The following PPM1A variants were observed in gnomAD, a reference collection of about 807,000 sequenced individuals.
PPM1A encodes the protein protein phosphatase 1A.
PPM1A carries 7 observed loss-of-function variants against 35.0 expected under a neutral mutation model. The ratio of observed to expected loss-of-function variants is 0.20; its 90% CI spans 0.11 to 0.38. PPM1A has a LOEUF of 0.38. Ranked by LOEUF, PPM1A falls within the 10% of genes least tolerant of loss-of-function variation. PPM1A has a pLI of 1.00. For missense variants in PPM1A, 239 were observed against 467.8 expected (o/e 0.51, Z 4.51); for synonymous variants, 153 against 167.3 (o/e 0.91, Z 0.66).
At chr14:60,266,406 GTCTTT>G (rs1444331772) in intron 1 of PPM1A, among the ~76,000 whole-genome samples, 2 of 152,062 alleles carry the variant, frequency 1.3e-5, no homozygotes, top group East Asian at 1.9e-4. Flanking sequence ...TTTGGAATCA[GTCTTT>G]TCTTGTCATC....
intron 1 of PPM1A, among the ~76,000 whole-genome samples, chr14:60,272,720 CAG>C (rs145248143): frequency 0.018 from 2,478 of 141,370 alleles, 89 homozygotes; most frequent in African/African-American, 0.062. Flanking sequence ...AAAAAAGACA[CAG>C]AAGACCCTAA....
At chr14:60,270,009 G>A (rs546871236) in intron 1 of PPM1A, among the ~76,000 whole-genome samples, 23 of 152,240 alleles carry the variant, frequency 1.5e-4, no homozygotes, top group Non-Finnish European at 2.5e-4. Flanking sequence ...TTCTGCCTTT[G>A]AAATTTAATT....
intron 3 of PPM1A, chr14:60,288,306 GA>G: frequency 1.0e-6 from 1 of 961,538 alleles, no homozygotes; most frequent in Non-Finnish European, 1.2e-6. Flanking sequence ...ATGTTTTTTA[GA>G]CCTGAAACTA....
chr14:60,290,771 T>A (rs2139590974), intron 4 of PPM1A, among the ~76,000 whole-genome samples: 1 of 152,138 alleles, frequency 6.6e-6, no homozygotes, highest in African/African-American at 2.4e-5. Flanking sequence ...AAGCTTTTAT[T>A]TTTTGGAAAC....
chr14:60,265,983 G>A (rs550254903), intron 1 of PPM1A, among the ~76,000 whole-genome samples: 1 of 152,268 alleles, frequency 6.6e-6, no homozygotes, highest in East Asian at 1.9e-4. Context: ...TAAAATCAAT[G>A]TATATCCTAC....
intron 1 of PPM1A, among the ~76,000 whole-genome samples, chr14:60,258,001 C>T (rs1883332513): frequency 6.6e-6 from 1 of 152,128 alleles, no homozygotes; most frequent in Non-Finnish European, 1.5e-5. Context: ...TGCCAAGGGG[C>T]CAATCTTAGA....
chr14:60,287,673 ACAAAGGC>A, intron 3 of PPM1A: 2 of 985,370 alleles, frequency 2.0e-6, no homozygotes, highest in Non-Finnish European at 2.4e-6. Context: ...ATAGAAAAGG[ACAAAGGC>A]CTTCCAGCTC....
At position 60,292,497 on chromosome 14, in the gene PPM1A, C is replaced by G. The variant is rs1887747510; in HGVS notation, c.*15C>G. ...ATATGTGGTAAAACTGCTCATCTAG[C>G]CATGGAGTTTACCTTCACCTCCAAA... On this transcript the variant is annotated 3_prime_UTR_variant, in exon 6 of 6. Transcript: ENST00000395076. The surrounding 1 kb of genome is among the most constrained non-coding windows in gnomAD (Gnocchi z 4.2). 1 of 1,590,282 alleles carries G rather than the reference C, an allele frequency of 6.3e-7. No individual in the cohort carries two copies. Among genetic ancestry groups the G allele is most frequent in the African/African-American group, 1.3e-5 (1 of 74,272 alleles).
At chr14:60,288,936 ATACT>A (rs1303773138) in intron 3 of PPM1A, among the ~76,000 whole-genome samples, 2 of 152,116 alleles carry the variant, frequency 1.3e-5, no homozygotes, top group Non-Finnish European at 2.9e-5. Context: ...AAGACTTTTT[ATACT>A]TAGAGGAATA....
In PPM1A at chr14:60,249,674, C is replaced by G; in HGVS notation, c.-24C>G. 1.0e-6 allele frequency: 1 copy of G among 984,086 alleles called. No homozygotes were observed. Among genetic ancestry groups the G allele is most frequent in the Non-Finnish European group, 1.2e-6 (1 of 829,498 alleles). The allele number at this position is 984,086 out of a possible 1,614,324, so 61.0% of individuals were successfully genotyped here. On this transcript the variant is annotated 5_prime_UTR_variant, in exon 1 of 6. Transcript: ENST00000395076. The surrounding 1 kb of genome is among the most constrained non-coding windows in gnomAD (Gnocchi z 4.5). ...AGGGACCTGCCCGCCTGCGGCTGCT[C>G]CGGGTAAGTGCGGCGCTCGGGCCGA...
rs1887628184 is a variant in PPM1A, at chr14:60,291,485, C to A, written c.1119+31C>A. 3 of 1,515,490 alleles carry A rather than the reference C, an allele frequency of 2.0e-6. No homozygotes were observed. The African/African-American group carries it at 4.2e-5, about 21-fold the overall frequency. The allele number at this position is 1,515,490 out of a possible 1,614,324, so 93.9% of individuals were successfully genotyped here. On this transcript the variant is annotated intron_variant, in intron 5 of 5. Coordinates refer to ENST00000395076, the MANE Select transcript of PPM1A (RefSeq NM_021003.5). ...TAGCATTTTAGCTCCCTCTGCTTTC[C>A]CTTCCCCTCCACTCTAAATGCATAT...
At chr14:60,284,336 G>A (rs1886710799) in intron 2 of PPM1A, among the ~76,000 whole-genome samples, 1 of 152,148 alleles carries the variant, frequency 6.6e-6, no homozygotes. Flanking sequence ...TTAAAATGGA[G>A]ATAATAGTAT....
At chr14:60,250,377 T>C in intron 1 of PPM1A, 1 of 974,326 alleles carries the variant, frequency 1.0e-6, no homozygotes, top group Non-Finnish European at 1.2e-6. Flanking sequence ...GTTCTGCTTG[T>C]AGATTTTAAA....
At chr14:60,250,510 A>G (rs944293134) in intron 1 of PPM1A, 4 of 794,762 alleles carry the variant, frequency 5.0e-6, no homozygotes, top group Admixed American at 6.2e-5. Context: ...GAAACACCAC[A>G]TGGTACAAAT....
rs372881178 is a variant in PPM1A at position 60,254,213 on chromosome 14, G to A, written c.-21+4536G>A. 5.3e-5 allele frequency among the ~76,000 whole-genome samples: 8 copies of A among 152,292 alleles called. No individual in the cohort carries two copies. In the East Asian group the frequency reaches 1.2e-3, roughly 22 times the overall value. ...GAAGCCAAACTAGAGATTGAGTAGA[G>A]AATTTAGAAGACATTGTAAACTCTG... On this transcript the variant is annotated intron_variant, in intron 1 of 5. Transcript: ENST00000395076.
intron 1 of PPM1A, among the ~76,000 whole-genome samples, chr14:60,264,910 A>T (rs1884196795): frequency 6.6e-6 from 1 of 152,014 alleles, no homozygotes; most frequent in African/African-American, 2.4e-5. Context: ...TCCTTTTAAC[A>T]TTTGAAATTA....
At chr14:60,275,844 C>CTTTTTTTT (rs531960264) in intron 1 of PPM1A, among the ~76,000 whole-genome samples, 2 of 130,460 alleles carry the variant, frequency 1.5e-5, no homozygotes, top group African/African-American at 5.6e-5. Flanking sequence ...AAAGATTAGC[C>CTTTTTTTT]TTTTTTTTTT....
chr14:60,293,618 TTTAA>T lies in PPM1A; in HGVS notation c.*1141_*1144del, dbSNP rs1856195879. On this transcript the variant is annotated 3_prime_UTR_variant, in exon 6 of 6. Coordinates refer to ENST00000395076, the MANE Select transcript of PPM1A (RefSeq NM_021003.5). This position sits in a 1 kb window ranked among gnomAD's most constrained non-coding sequence, Gnocchi z 4.0. ...TGTATCAGCTTGGATTTGCCTACTGTTTAATTAAAATATTTATTGTCAAAGTTTG... is the reference window on the plus strand; with the variant it reads ...TGTATCAGCTTGGATTTGCCTACTGTTTAAAATATTTATTGTCAAAGTTTG... The T allele has an allele frequency of 6.6e-6, 1 of 151,972 alleles. No individual in the cohort carries two copies. Among genetic ancestry groups the T allele is most frequent in the African/African-American group, 2.4e-5 (1 of 41,412 alleles). The allele number at this position is 151,972 out of a possible 1,614,324, so 9.4% of individuals were successfully genotyped here. A position where few individuals can be genotyped will look rare whatever the true frequency, so the allele number is the denominator to read the frequency against.
chr14:60,284,689 ATATATATATGTGTGTGTG>A (rs1271260790), intron 2 of PPM1A, among the ~76,000 whole-genome samples: 4 of 122,366 alleles, frequency 3.3e-5, no homozygotes, highest in African/African-American at 1.8e-4. Flanking sequence ...GTATGTATAT[ATATATATATGTGTGTGTG>A]TATATATATA....
Sources: gnomAD v4.1 joint callset for allele counts (sites outside exome capture counted in the v4.1 genomes callset) on GRCh38, gnomAD v4.1.1 for gene constraint, Gnocchi (gnomAD v3.1) non-coding constraint, MANE v1.5 for transcripts, NCBI Gene and HGNC (gene_info 2026-07-23, HGNC 2026-07-21) for gene names.